The following DLG2 variants were observed in gnomAD, a reference collection of about 807,000 sequenced individuals.
DLG2 encodes the protein discs large MAGUK scaffold protein 2, also known as disks large homolog 2.
Under a neutral mutation model 132.5 loss-of-function variants are expected in DLG2, and 45 were observed. The observed-to-expected ratio is 0.34, with a 90% confidence interval of 0.27 to 0.44. The LOEUF (loss-of-function observed/expected upper bound fraction) is 0.44, where lower values mean the gene tolerates loss of function less well. Among genes scored for constraint, DLG2 ranks in the 20% least tolerant of loss-of-function variants. The pLI is 1.00. For synonymous variants in DLG2, 424 were observed against 419.6 expected (o/e 1.01, Z -0.13); for missense variants, 1,045 against 1,196.9 (o/e 0.87, Z 1.87).
At chr11:84,794,689 C>G (rs976080511) in intron 6 of DLG2, among the ~76,000 whole-genome samples, 1 of 152,246 alleles carries the variant, frequency 6.6e-6, no homozygotes, top group Non-Finnish European at 1.5e-5. Flanking sequence ...GGTCTCTCCC[C>G]ACTCCTGGCA....
chr11:84,227,634 T>C (rs1479142790), intron 8 of DLG2, among the ~76,000 whole-genome samples: 3 of 152,106 alleles, frequency 2.0e-5, no homozygotes, highest in Admixed American at 6.6e-5. Flanking sequence ...AAAAAATATG[T>C]ATATTGGCTG....
At chr11:85,027,457 C>T (rs1332880603) in intron 6 of DLG2, among the ~76,000 whole-genome samples, 4 of 152,098 alleles carry the variant, frequency 2.6e-5, no homozygotes, top group African/African-American at 4.8e-5. Flanking sequence ...GAGTATTGCT[C>T]GCGCCCACAG....
chr11:85,126,187 A>G (rs2075089409), intron 5 of DLG2, among the ~76,000 whole-genome samples: 1 of 152,214 alleles, frequency 6.6e-6, no homozygotes, highest in South Asian at 2.1e-4. Context: ...GGAAGGTAAC[A>G]CAGATTTAAA....
chr11:84,562,146 G>A (rs1327031642), intron 6 of DLG2, among the ~76,000 whole-genome samples: 1 of 151,946 alleles, frequency 6.6e-6, no homozygotes, highest in Non-Finnish European at 1.5e-5. Flanking sequence ...GATCTAGAAG[G>A]AACTCCAAGA....
At chr11:85,160,595 T>C (rs975352137) in intron 4 of DLG2, among the ~76,000 whole-genome samples, 2 of 152,200 alleles carry the variant, frequency 1.3e-5, no homozygotes, top group African/African-American at 4.8e-5. Flanking sequence ...GAGTGGGTCA[T>C]GCACAGCAGC....
At chr11:84,937,431 C>CAAAACTTCT (rs1186036885) in intron 6 of DLG2, among the ~76,000 whole-genome samples, 1 of 149,630 alleles carries the variant, frequency 6.7e-6, no homozygotes, top group Non-Finnish European at 1.5e-5. Flanking sequence ...TCAGTGATAT[C>CAAAACTTCT]AAAACTTCTG....
intron 6 of DLG2, among the ~76,000 whole-genome samples, chr11:84,662,866 G>C (rs73513105): frequency 6.6e-6 from 1 of 150,838 alleles, no homozygotes; most frequent in Non-Finnish European, 1.5e-5. Flanking sequence ...GGATTAAACC[G>C]GAGAACTGAG....
rs113485292 is a variant in DLG2 at position 83,959,111 on chromosome 11, C to T, written c.1340+3774G>A. 6.1e-3 allele frequency among the ~76,000 whole-genome samples: 922 copies of T among 152,256 alleles called. 4 individuals are homozygous for T. Among genetic ancestry groups the T allele is most frequent in the Middle Eastern group, 0.048 (14 of 294 alleles). ...TTATAGGGACTCAGTGAGCATGCTA[C>T]TAAGAGATTGTATCCAAAACTTTTT... On this transcript the variant is annotated intron_variant, in intron 14 of 27. Transcript: ENST00000376104.
chr11:83,546,966 C>G (rs1460817561), intron 19 of DLG2, among the ~76,000 whole-genome samples: 1 of 152,090 alleles, frequency 6.6e-6, no homozygotes, highest in Admixed American at 6.6e-5. Context: ...GGACTCAAAG[C>G]CTGTCTGCTT....
intron 15 of DLG2, among the ~76,000 whole-genome samples, chr11:83,903,033 A>G (rs1399057673): frequency 6.6e-6 from 1 of 152,098 alleles, no homozygotes; most frequent in African/African-American, 2.4e-5. Context: ...ATTTTACCCA[A>G]TTTTATGGGT....
intron 5 of DLG2, among the ~76,000 whole-genome samples, chr11:85,115,807 G>C (rs532655415): frequency 4.6e-5 from 7 of 152,012 alleles, no homozygotes; most frequent in African/African-American, 1.7e-4. Flanking sequence ...CCTCAATTCT[G>C]GACCTCAGAA....
chr11:84,747,005 A>G (rs977783757), intron 6 of DLG2, among the ~76,000 whole-genome samples: 2 of 152,190 alleles, frequency 1.3e-5, no homozygotes, highest in African/African-American at 4.8e-5. Context: ...CTCCAAATGA[A>G]TCACATGGCC....
At chr11:84,781,637 C>A (rs1305117778) in intron 6 of DLG2, among the ~76,000 whole-genome samples, 1 of 152,048 alleles carries the variant, frequency 6.6e-6, no homozygotes, top group African/African-American at 2.4e-5. Flanking sequence ...TGTTATTGCT[C>A]CTCTTTAGGA....
chr11:83,918,910 C>A (rs2077384419), intron 15 of DLG2, among the ~76,000 whole-genome samples: 1 of 152,128 alleles, frequency 6.6e-6, no homozygotes, highest in South Asian at 2.1e-4. Context: ...CTGCCCAGTT[C>A]TTAGAAGTCT....
chr11:85,001,468 A>G (rs1237768855), intron 6 of DLG2, among the ~76,000 whole-genome samples: 1 of 152,188 alleles, frequency 6.6e-6, no homozygotes, highest in Non-Finnish European at 1.5e-5. Flanking sequence ...AGACCATGCT[A>G]TGGAGCTTAG....
At chr11:84,809,238 C>A (rs1047420915) in intron 6 of DLG2, among the ~76,000 whole-genome samples, 1 of 151,844 alleles carries the variant, frequency 6.6e-6, no homozygotes, top group Non-Finnish European at 1.5e-5. Flanking sequence ...TTTCAACACA[C>A]ATTGATAAAA....
At chr11:85,063,317 G>A (rs184388175) in intron 6 of DLG2, among the ~76,000 whole-genome samples, 2 of 151,818 alleles carry the variant, frequency 1.3e-5, no homozygotes, top group South Asian at 2.1e-4. Flanking sequence ...GTTTTCTGGG[G>A]AGCCTGGCCT....
At chr11:84,629,003 A>G (rs1224089840) in intron 6 of DLG2, among the ~76,000 whole-genome samples, 1 of 152,174 alleles carries the variant, frequency 6.6e-6, no homozygotes, top group Admixed American at 6.6e-5. Context: ...AACAGCCCCC[A>G]TAGCTTTCTG....
chr11:84,984,459 A>C (rs1261765178), intron 6 of DLG2, among the ~76,000 whole-genome samples: 1 of 152,194 alleles, frequency 6.6e-6, no homozygotes, highest in Non-Finnish European at 1.5e-5. Context: ...CCAAGCCAGC[A>C]CTACAAGAAC....
Sources: allele counts gnomAD v4.1 joint callset (sites outside exome capture counted in the v4.1 genomes callset), GRCh38; gene constraint gnomAD v4.1.1; transcripts MANE v1.5; gene names NCBI Gene and HGNC (gene_info 2026-07-23, HGNC 2026-07-21).